The following CTSZ variants were observed in gnomAD, a reference collection of about 807,000 sequenced individuals.
The protein encoded by CTSZ is cathepsin Z.
CTSZ carries 39 observed loss-of-function variants against 32.4 expected under a neutral mutation model. That is an observed-to-expected ratio of 1.20 (90% CI 0.93 to 1.57). The LOEUF (loss-of-function observed/expected upper bound fraction) is 1.57. Among genes scored for constraint, CTSZ ranks in the 40% most tolerant of loss-of-function variants. The pLI is 0.00. For synonymous variants in CTSZ, 168 were observed against 170.1 expected, an observed-to-expected ratio of 0.99 and a Z score of 0.10; for missense variants, 397 against 419.6, an observed-to-expected ratio of 0.95 and a Z score of 0.47.
At chr20:58,997,209 C>T (rs943584434) in intron 4 of CTSZ, among the ~76,000 whole-genome samples, 3 of 151,318 alleles carry the variant, frequency 2.0e-5, no homozygotes, top group African/African-American at 4.9e-5. Context: ...AAAGTGTAAA[C>T]CCGACTCAGG....
At chr20:58,999,552 CAGG>C (rs1448764327) in intron 3 of CTSZ, among the ~76,000 whole-genome samples, 1 of 94,484 alleles carries the variant, frequency 1.1e-5, no homozygotes, top group African/African-American at 3.5e-5. Context: ...TCAGCCAGTC[CAGG>C]AGAATTTCTG....
At position 59,006,178 on chromosome 20, in the gene CTSZ, G is replaced by A. The variant is rs376358510; in HGVS notation, c.307+144C>T. 1.0e-4 allele frequency: 115 copies of A among 1,098,618 alleles called. 3 individuals are homozygous for A. The highest frequency in any genetic ancestry group is 6.5e-4 in the East Asian group (25 of 38,512). The allele number at this position is 1,098,618 out of a possible 1,614,324, so 68.1% of individuals were successfully genotyped here. Reference sequence around the variant, plus strand: ...TCACCTCAGCAGAGGGCAAAGGCCCGCGCTCCTCGGCCTTAGCACCCCAGC... The same window carrying A: ...TCACCTCAGCAGAGGGCAAAGGCCCACGCTCCTCGGCCTTAGCACCCCAGC... On this transcript the variant is annotated intron_variant, in intron 2 of 5. Coordinates refer to ENST00000217131, the MANE Select transcript of CTSZ (RefSeq NM_001336.4).
intron 3 of CTSZ, among the ~76,000 whole-genome samples, chr20:58,999,390 TTGGAGGGGCCTGGCC>T (rs1308800921): frequency 1.6e-4 from 24 of 151,966 alleles, no homozygotes; most frequent in Admixed American, 3.9e-4. Context: ...GCTGGGTGGG[TTGGAGGGGCCTGGCC>T]TCAGCTGGGC....
chr20:59,003,108 G>A (rs1042495240), intron 2 of CTSZ, among the ~76,000 whole-genome samples: 15 of 152,192 alleles, frequency 9.9e-5, no homozygotes, highest in African/African-American at 2.2e-4. Context: ...TCAGCACAGC[G>A]GTCGCTCCAT....
chr20:59,007,090 C>T lies in CTSZ; in HGVS notation c.39G>A (p.Leu13=). ...RRGPGWRPLL[L]LVLLAGAAQG... ...GCGCCGCGCCCGCCAGCAGCACGAG[C>T]AGCAGAAGCGGCCGCCACCCTGGCC... The change falls in exon 1 of 6, where the codon CTG becomes CTA. Residue 13 remains leucine (L), a synonymous_variant. Transcript: ENST00000217131. 1 of 1,450,500 alleles carries T rather than the reference C, an allele frequency of 6.9e-7. No homozygotes were observed. The highest frequency in any genetic ancestry group is 9.0e-7 in the Non-Finnish European group (1 of 1,106,800). 89.9% of individuals were successfully genotyped at this position (1,450,500 alleles called of 1,614,324 possible). A position where few individuals can be genotyped will look rare whatever the true frequency, so the allele number is the denominator to read the frequency against.
intron 3 of CTSZ, 135 bp downstream of exon 3, chr20:59,001,330 T>A: frequency 9.5e-7 from 1 of 1,049,316 alleles, no homozygotes. Context: ...GGCTGCAACC[T>A]CTGCCCTCCC....
chr20:59,006,966 G>C lies in CTSZ; in HGVS notation c.143+20C>G, dbSNP rs1008532920. On this transcript the variant is annotated intron_variant, in intron 1 of 5. Coordinates refer to ENST00000217131, the MANE Select transcript of CTSZ (RefSeq NM_001336.4). ...ATGGGCCTCCCGTCCCCCCAGGGCT[G>C]CCTCCCCGCCGGTGCCCACCTGCGC... The C allele has an allele frequency of 2.8e-6, 4 of 1,413,876 alleles. No individual in the cohort carries two copies. The highest frequency in any genetic ancestry group is 1.5e-5 in the African/African-American group (1 of 66,326). The allele number at this position is 1,413,876 out of a possible 1,614,324, so 87.6% of individuals were successfully genotyped here.
At chr20:58,995,789 A>G in intron 5 of CTSZ, 30 bp from the exon 6 acceptor site, 1 of 1,597,498 alleles carries the variant, frequency 6.3e-7, no homozygotes, top group Non-Finnish European at 8.6e-7. Context: ...GCGTCAGCCC[A>G]TCTGCAGCCG....
Position 58,995,643 on chromosome 20 carries a change from A to G in CTSZ, c.*6T>C, listed in dbSNP as rs747899202. 25 of 1,613,176 alleles carry G rather than the reference A, an allele frequency of 1.5e-5. No homozygotes were observed. The highest frequency in any genetic ancestry group is 2.0e-5 in the Non-Finnish European group (23 of 1,179,296). On this transcript the variant is annotated 3_prime_UTR_variant, in exon 6 of 6. Transcript: ENST00000217131. Reference sequence around the variant, plus strand: ...TTTCTTAAACTGCGCTTCTAGTGACATGGCCTTAAACGATGGGGTCCCCAA... The same window carrying G: ...TTTCTTAAACTGCGCTTCTAGTGACGTGGCCTTAAACGATGGGGTCCCCAA...
At chr20:59,005,326 C>G (rs1347566607) in intron 2 of CTSZ, among the ~76,000 whole-genome samples, 2 of 152,198 alleles carry the variant, frequency 1.3e-5, no homozygotes, top group African/African-American at 4.8e-5. Context: ...GACATCCTGG[C>G]ACAAAGCCCA....
intron 3 of CTSZ, among the ~76,000 whole-genome samples, chr20:59,000,882 T>A (rs2091885772): frequency 6.8e-6 from 1 of 146,354 alleles, no homozygotes; most frequent in Non-Finnish European, 1.5e-5. Flanking sequence ...CAGGCTAGAG[T>A]GCAGTGGCGC....
intron 2 of CTSZ, among the ~76,000 whole-genome samples, chr20:59,003,583 C>T (rs1318723979): frequency 6.6e-6 from 1 of 152,218 alleles, no homozygotes; most frequent in Non-Finnish European, 1.5e-5. Flanking sequence ...GCATCTGTAA[C>T]TGTGCAAAGT....
intron 2 of CTSZ, 59 bp from the exon 3 acceptor site, chr20:59,001,703 C>A: frequency 6.4e-7 from 1 of 1,554,960 alleles, no homozygotes; most frequent in South Asian, 1.2e-5. Flanking sequence ...CTTCCCCGAA[C>A]GGACCTGGAC....
At chr20:58,998,520 T>C (rs2091871832) in intron 3 of CTSZ, among the ~76,000 whole-genome samples, 1 of 143,104 alleles carries the variant, frequency 7.0e-6, no homozygotes, top group Non-Finnish European at 1.5e-5. Context: ...CACTCCAGCC[T>C]GAGCGACAAG....
chr20:58,997,232 G>A (rs970200117), intron 4 of CTSZ, among the ~76,000 whole-genome samples: 13 of 151,308 alleles, frequency 8.6e-5, no homozygotes, highest in Non-Finnish European at 1.5e-4. Flanking sequence ...GTGTATATCT[G>A]ACGGTTCTGG....
Position 58,995,659 on chromosome 20 carries a change from G to T in CTSZ, c.902C>A (p.Pro301His). The change falls in exon 6 of 6, where the codon CCC becomes CAC. Residue 301 changes from proline (P) to histidine (H), a missense_variant. Pro to His is a moderately conservative substitution (Grantham distance 77). Transcript: ENST00000217131. ...TCTAGTGACATGGCCTTAAACGATG[G>T]GGTCCCCAAATGTACAGTGCTCCTC... is the stretch of plus-strand genomic sequence containing the variant. ...AIEEHCTFGD[P>H]IV 6.2e-7 allele frequency: 1 copy of T among 1,614,002 alleles called. No homozygotes were observed. The highest frequency in any genetic ancestry group is 2.2e-5 in the East Asian group (1 of 44,876).
rs867461448 is a variant in CTSZ at position 59,004,674 on chromosome 20, G to A, written c.307+1648C>T. Among the ~76,000 whole-genome samples the A allele has an allele frequency of 6.6e-6, 1 of 152,208 alleles. No individual in the cohort carries two copies. The highest frequency in any genetic ancestry group is 2.4e-5 in the African/African-American group (1 of 41,532). On this transcript the variant is annotated intron_variant, in intron 2 of 5. Transcript: ENST00000217131. The surrounding 1 kb of genome is among the most constrained non-coding windows in gnomAD (Gnocchi z 5.6). ...AGACAGTTGATCCTGGGGGAGAGGA[G>A]GGAAGACAAATGGAGGACCTGCTGC...
At chr20:59,000,148 C>T (rs954482454) in intron 3 of CTSZ, among the ~76,000 whole-genome samples, 2 of 152,004 alleles carry the variant, frequency 1.3e-5, no homozygotes, top group Non-Finnish European at 1.5e-5. Context: ...GAGGCCAAGG[C>T]AGGTGGATCA....
chr20:58,995,666 C>G lies in CTSZ; in HGVS notation c.895G>C (p.Gly299Arg). Residue 299 changes from glycine (G) to arginine (R), a missense_variant, in exon 6 of 6, where the codon GGG (glycine) becomes CGG (arginine). Gly to Arg is a moderately radical substitution (Grantham distance 125). Coordinates refer to ENST00000217131, the MANE Select transcript of CTSZ (RefSeq NM_001336.4). ...NLAIEEHCTFGDPIV is the reference protein window; with the variant it reads ...NLAIEEHCTFRDPIV ...ACATGGCCTTAAACGATGGGGTCCCCAAATGTACAGTGCTCCTCGATGGCA... is the reference window on the plus strand; with the variant it reads ...ACATGGCCTTAAACGATGGGGTCCCGAAATGTACAGTGCTCCTCGATGGCA... The G allele has an allele frequency of 6.2e-7, 1 of 1,614,128 alleles. No homozygotes were observed. Among genetic ancestry groups the G allele is most frequent in the Non-Finnish European group, 8.5e-7 (1 of 1,180,010 alleles).
Sources: allele counts gnomAD v4.1 joint callset (sites outside exome capture counted in the v4.1 genomes callset), GRCh38; gene constraint gnomAD v4.1.1; non-coding constraint Gnocchi (gnomAD v3.1); transcripts MANE v1.5; gene names NCBI Gene and HGNC (gene_info 2026-07-23, HGNC 2026-07-21).